The following RPS6KA3 variants were observed in gnomAD, a reference collection of about 807,000 sequenced individuals.
RPS6KA3 encodes ribosomal protein S6 kinase alpha-3.
A neutral mutation model predicts 67.2 loss-of-function variants in RPS6KA3; 4 were observed. The ratio of observed to expected loss-of-function variants is 0.06; its 90% CI spans 0.03 to 0.14. The LOEUF (loss-of-function observed/expected upper bound fraction) is 0.14. Among genes scored for constraint, RPS6KA3 ranks in the 10% least tolerant of loss-of-function variants. The pLI is 1.00. For synonymous variants in RPS6KA3, 182 were observed against 183.7 expected (o/e 0.99, Z 0.07); for missense variants, 204 against 559.0 (o/e 0.36, Z 6.40).
In RPS6KA3 at chrX:20,236,566, G is replaced by A. The variant is rs1161245333; in HGVS notation, c.70-1752C>T. Among the ~76,000 whole-genome samples the A allele has an allele frequency of 3.6e-5, 4 of 111,010 alleles. No individual in the cohort carries two copies. The East Asian group carries it at 1.1e-3, about 31-fold the overall frequency. On this transcript the variant is annotated intron_variant, in intron 1 of 21. Coordinates refer to ENST00000379565, the MANE Select transcript of RPS6KA3 (RefSeq NM_004586.3). Reference sequence around the variant, plus strand: ...AAGCTATGTTCTAGGCACTGAGCTGGAGACAGAAGTTAATAAAACATAGCC... The same window carrying A: ...AAGCTATGTTCTAGGCACTGAGCTGAAGACAGAAGTTAATAAAACATAGCC...
intron 2 of RPS6KA3, among the ~76,000 whole-genome samples, chrX:20,227,602 G>A (rs1009632267): frequency 1.8e-5 from 2 of 110,569 alleles, no homozygotes; most frequent in Non-Finnish European, 3.8e-5. Flanking sequence ...TTGAGAGTAG[G>A]GCTTTTTAAA....
chrX:20,169,565 C>G (rs2067522742), intron 15 of RPS6KA3, 74 bp from the exon 16 acceptor site: 1 of 630,612 alleles, frequency 1.6e-6, no homozygotes, highest in African/African-American at 2.1e-5. Context: ...TAGCTACAGA[C>G]CTTGGGTATT....
At chrX:20,222,640 CTT>C (rs903437786) in intron 2 of RPS6KA3, among the ~76,000 whole-genome samples, 1 of 111,210 alleles carries the variant, frequency 9.0e-6, no homozygotes, top group African/African-American at 3.3e-5. Flanking sequence ...CCAGAATAAT[CTT>C]TTTTTTGTCA....
intron 2 of RPS6KA3, among the ~76,000 whole-genome samples, chrX:20,233,702 G>A (rs1207944637): frequency 9.0e-6 from 1 of 110,784 alleles, no homozygotes; most frequent in Non-Finnish European, 1.9e-5. Context: ...AGTGAGTCAT[G>A]ACTCTACCAC....
At chrX:20,158,387 A>AAAAAAGAG (rs1406774782) in intron 20 of RPS6KA3, among the ~76,000 whole-genome samples, 3 of 97,418 alleles carry the variant, frequency 3.1e-5, no homozygotes, top group Admixed American at 1.1e-4. Context: ...AAAAAAAAAA[A>AAAAAAGAG]AGAGAGAGAG....
chrX:20,265,003 A>C (rs947954309), intron 1 of RPS6KA3, among the ~76,000 whole-genome samples: 2 of 112,475 alleles, frequency 1.8e-5, no homozygotes, highest in Non-Finnish European at 3.7e-5. Context: ...TATTTATAGT[A>C]TTAGTCTGGT....
intron 15 of RPS6KA3, among the ~76,000 whole-genome samples, chrX:20,172,295 A>G (rs1284666657): frequency 1.8e-5 from 2 of 112,198 alleles, no homozygotes; most frequent in African/African-American, 6.5e-5. Context: ...TGATGAAATT[A>G]AAACAGCCAA....
At chrX:20,175,498 G>A (rs2067676890) in intron 13 of RPS6KA3, among the ~76,000 whole-genome samples, 1 of 111,375 alleles carries the variant, frequency 9.0e-6, no homozygotes, top group Non-Finnish European at 1.9e-5. Flanking sequence ...CTAGTCCCTC[G>A]GAGCCTAGAA....
At chrX:20,252,675 A>G (rs1257860695) in intron 1 of RPS6KA3, among the ~76,000 whole-genome samples, 1 of 110,559 alleles carries the variant, frequency 9.0e-6, no homozygotes, top group Admixed American at 9.6e-5. Flanking sequence ...GGGAGGAGGA[A>G]AGCAGAGGGC....
chrX:20,256,887 C>T (rs941367779), intron 1 of RPS6KA3, among the ~76,000 whole-genome samples: 1 of 111,769 alleles, frequency 8.9e-6, no homozygotes, highest in Non-Finnish European at 1.9e-5. Flanking sequence ...TCTACATCTC[C>T]ACAATAGCTA....
chrX:20,160,486 G>A (rs902791691), intron 20 of RPS6KA3, among the ~76,000 whole-genome samples: 1 of 111,002 alleles, frequency 9.0e-6, no homozygotes, highest in African/African-American at 3.3e-5. Context: ...GAGTGCAGGG[G>A]TGCACTCTTG....
intron 2 of RPS6KA3, among the ~76,000 whole-genome samples, chrX:20,217,955 C>T (rs1339936952): frequency 2.7e-5 from 3 of 112,042 alleles, no homozygotes; most frequent in African/African-American, 9.7e-5. Context: ...ATAAGCTCAA[C>T]ATTTTTCATT....
In RPS6KA3 at chrX:20,204,123, A is replaced by G. The variant is rs1454583260; in HGVS notation, c.244-20T>C. The G allele has an allele frequency of 2.9e-6, 3 of 1,030,471 alleles. No homozygotes were observed. Among genetic ancestry groups the G allele is most frequent in the Non-Finnish European group, 4.1e-6 (3 of 730,354 alleles). The allele number at this position is 1,030,471 out of a possible 1,213,427, so 84.9% of individuals were successfully genotyped here. A position where few individuals can be genotyped will look rare whatever the true frequency, so the allele number is the denominator to read the frequency against. On this transcript the variant is annotated intron_variant, in intron 3 of 21. Transcript: ENST00000379565. ...GAAAACCTGCATTTAAGTAAGAGAAAATAAATATTACAAAGTAGTATAAAC... is the reference window on the plus strand; with the variant it reads ...GAAAACCTGCATTTAAGTAAGAGAAGATAAATATTACAAAGTAGTATAAAC...
intron 2 of RPS6KA3, among the ~76,000 whole-genome samples, chrX:20,221,659 A>C (rs2068989915): frequency 8.9e-6 from 1 of 112,130 alleles, no homozygotes; most frequent in South Asian, 3.7e-4. Context: ...TTACAGAAAC[A>C]GGTGACAGGC....
intron 7 of RPS6KA3, 38 bp from the exon 8 acceptor site, chrX:20,188,572 T>C (rs759366875): frequency 4.3e-6 from 3 of 689,798 alleles, no homozygotes; most frequent in African/African-American, 4.3e-5. Flanking sequence ...GAACACTAAA[T>C]AGAGATTTAT....
In RPS6KA3 at chrX:20,155,503, T is replaced by C. The variant is rs760969945; in HGVS notation, c.2118A>G (p.Thr706=). 2 of 1,209,597 alleles carry C rather than the reference T, an allele frequency of 1.7e-6. No individual in the cohort carries two copies. Among genetic ancestry groups the C allele is most frequent in the Admixed American group, 2.2e-5 (1 of 45,687 alleles). Residue 706 remains threonine, a synonymous_variant, in exon 22 of 22, where the codon ACA becomes ACG. Coordinates refer to ENST00000379565, the MANE Select transcript of RPS6KA3 (RefSeq NM_004586.3). ...ACTGATTACGGTTCAAAGCAGAATATGTAGCTGCCATGGCACCCTGAACAA... is the reference window on the plus strand; with the variant it reads ...ACTGATTACGGTTCAAAGCAGAATACGTAGCTGCCATGGCACCCTGAACAA... ...PHLVKGAMAA[T]YSALNRNQSP... is the part of the protein sequence containing the mutation.
chrX:20,157,501 CAAA>C (rs1197154800), intron 20 of RPS6KA3, among the ~76,000 whole-genome samples: 4 of 49,921 alleles, frequency 8.0e-5, no homozygotes, highest in Admixed American at 2.7e-4. Context: ...GACCCTGTCT[CAAA>C]AAAAAAAAAA....
chrX:20,168,945 C>T (rs1011121458), intron 16 of RPS6KA3, among the ~76,000 whole-genome samples: 5 of 111,321 alleles, frequency 4.5e-5, no homozygotes, highest in African/African-American at 1.3e-4. Context: ...CTTGACCTGC[C>T]GGGCTGAAGC....
chrX:20,240,079 A>G (rs750196712), intron 1 of RPS6KA3, among the ~76,000 whole-genome samples: 91 of 109,716 alleles, frequency 8.3e-4, no homozygotes, highest in Non-Finnish European at 1.5e-3. Flanking sequence ...TCTGTGACTG[A>G]TAAAATGCTA....
Sources: gnomAD v4.1 joint callset for allele counts (sites outside exome capture counted in the v4.1 genomes callset) on GRCh38, gnomAD v4.1.1 for gene constraint, MANE v1.5 for transcripts, NCBI Gene and HGNC (gene_info 2026-07-23, HGNC 2026-07-21) for gene names.